Variants in MINDY2 observed in about 807,000 individuals in gnomAD.
The protein encoded by MINDY2 is ubiquitin carboxyl-terminal hydrolase MINDY-2.
A neutral mutation model predicts 68.2 loss-of-function variants in MINDY2; 52 were observed. That is an observed-to-expected ratio of 0.76 (90% CI 0.61 to 0.96). The LOEUF (loss-of-function observed/expected upper bound fraction) is 0.96, where lower values mean the gene tolerates loss of function less well. Among genes scored for constraint, MINDY2 ranks in the 40% least tolerant of loss-of-function variants. The pLI is 0.00. For missense variants in MINDY2, 881 were observed against 773.4 expected, an observed-to-expected ratio of 1.14 and a Z score of -1.65; for synonymous variants, 372 against 303.0, an observed-to-expected ratio of 1.23 and a Z score of -2.36.
At chr15:58,777,512 G>A (rs1287134107) in intron 1 of MINDY2, among the ~76,000 whole-genome samples, 7 of 152,208 alleles carry the variant, frequency 4.6e-5, no homozygotes, top group East Asian at 1.9e-4. Context: ...TGTGGCTAAC[G>A]CCTGGAATCC....
At chr15:58,799,141 G>C (rs1232740724) in intron 2 of MINDY2, among the ~76,000 whole-genome samples, 1 of 152,164 alleles carries the variant, frequency 6.6e-6, no homozygotes, top group Admixed American at 6.5e-5. Context: ...AATTCTGAAG[G>C]CTCTGCCTCA....
chr15:58,793,279 C>T (rs1348996091), intron 2 of MINDY2, among the ~76,000 whole-genome samples: 2 of 151,768 alleles, frequency 1.3e-5, no homozygotes, highest in African/African-American at 4.8e-5. Context: ...GGCAAAACCC[C>T]GTCTCTACTA....
chr15:58,848,188 G>T (rs1475080639), intron 7 of MINDY2, among the ~76,000 whole-genome samples: 1 of 151,626 alleles, frequency 6.6e-6, no homozygotes, highest in East Asian at 1.9e-4. Context: ...ATTCTTCCCT[G>T]ACTGAGGCAA....
chr15:58,818,890 C>G (rs1178424930), intron 4 of MINDY2, among the ~76,000 whole-genome samples: 1 of 152,026 alleles, frequency 6.6e-6, no homozygotes, highest in Non-Finnish European at 1.5e-5. Context: ...ATCTGCCCAC[C>G]TCAGCTTCCC....
chr15:58,810,446 G>C, intron 4 of MINDY2, 58 bp downstream of exon 4: 1 of 1,388,414 alleles, frequency 7.2e-7, no homozygotes, highest in Non-Finnish European at 9.6e-7. Flanking sequence ...TATTAATTTG[G>C]CAAATTAATC....
chr15:58,846,103 A>G (rs1285457261), intron 6 of MINDY2, among the ~76,000 whole-genome samples: 3 of 152,108 alleles, frequency 2.0e-5, no homozygotes, highest in Non-Finnish European at 4.4e-5. Flanking sequence ...AAAAAAAAAA[A>G]AAAAGAAAAA....
chr15:58,779,752 T>C (rs1034479891), intron 1 of MINDY2, among the ~76,000 whole-genome samples: 1 of 152,258 alleles, frequency 6.6e-6, no homozygotes, highest in Non-Finnish European at 1.5e-5. Flanking sequence ...GTTGTAACTC[T>C]GGATTTGTAA....
chr15:58,844,124 AG>A (rs1394308464), intron 6 of MINDY2, among the ~76,000 whole-genome samples: 2 of 152,322 alleles, frequency 1.3e-5, no homozygotes, highest in East Asian at 3.9e-4. Flanking sequence ...CTGGAATATC[AG>A]TGCAAGAAAT....
chr15:58,819,398 T>C (rs779127539), intron 4 of MINDY2, among the ~76,000 whole-genome samples: 5 of 152,104 alleles, frequency 3.3e-5, no homozygotes, highest in Non-Finnish European at 7.4e-5. Context: ...CAGTGGGCTG[T>C]GATCACGCCA....
At chr15:58,827,024 C>A (rs2031438166) in intron 5 of MINDY2, among the ~76,000 whole-genome samples, 1 of 152,124 alleles carries the variant, frequency 6.6e-6, no homozygotes. Context: ...AATTTGGATT[C>A]ATCTGATTAT....
At chr15:58,835,028 A>G (rs898193608) in intron 6 of MINDY2, among the ~76,000 whole-genome samples, 3 of 152,078 alleles carry the variant, frequency 2.0e-5, no homozygotes, top group Non-Finnish European at 4.4e-5. Context: ...TTCTTACTTA[A>G]CCTGACCTCT....
chr15:58,815,692 C>CT (rs1341220188), intron 4 of MINDY2: 26 of 150,440 alleles, frequency 1.7e-4, no homozygotes, highest in East Asian at 9.8e-4. Context: ...TTTTCTTTTT[C>CT]TTTTTTTTTG....
chr15:58,839,755 A>G (rs534186255), intron 6 of MINDY2, among the ~76,000 whole-genome samples: 5 of 152,124 alleles, frequency 3.3e-5, no homozygotes, highest in African/African-American at 9.7e-5. Context: ...GCACCTGGAC[A>G]AAGTATTCTC....
chr15:58,795,028 T>C (rs1902188289), intron 2 of MINDY2, among the ~76,000 whole-genome samples: 1 of 151,472 alleles, frequency 6.6e-6, no homozygotes, highest in Non-Finnish European at 1.5e-5. Context: ...ACAAAAAAAT[T>C]AGCCGGGCGT....
At chr15:58,784,268 G>T (rs907536283) in intron 1 of MINDY2, among the ~76,000 whole-genome samples, 1 of 151,942 alleles carries the variant, frequency 6.6e-6, no homozygotes, top group Admixed American at 6.6e-5. Flanking sequence ...CAAGGCTGCA[G>T]TGTGCCATGA....
At position 58,842,929 on chromosome 15, in the gene MINDY2, A is replaced by G. The variant is rs961210618; in HGVS notation, c.1369-4368A>G. On this transcript the variant is annotated intron_variant, in intron 6 of 8. Coordinates refer to ENST00000559228, the MANE Select transcript of MINDY2 (RefSeq NM_001040450.3). ...CTTTCAACTTGACTTTCAAGTCAAC[A>G]ACTATGCTTCACTGCCTCTCTGGGT... is the stretch of plus-strand genomic sequence containing the variant. Among the ~76,000 whole-genome samples, 4 of 152,284 alleles carry G rather than the reference A, an allele frequency of 2.6e-5. No individual in the cohort carries two copies. In the East Asian group the frequency reaches 7.7e-4, roughly 29 times the overall value.
At chr15:58,801,753 C>T (rs1902676116) in intron 2 of MINDY2, among the ~76,000 whole-genome samples, 1 of 152,166 alleles carries the variant, frequency 6.6e-6, no homozygotes, top group Non-Finnish European at 1.5e-5. Context: ...GATTCTTCTG[C>T]CTCAGCCTCC....
chr15:58,771,915 G>A lies in MINDY2; in HGVS notation c.520G>A (p.Asp174Asn). 6.4e-7 allele frequency: 1 copy of A among 1,557,294 alleles called. No homozygotes were observed. The highest frequency in any genetic ancestry group is 8.7e-7 in the Non-Finnish European group (1 of 1,153,430). Residue 174 changes from aspartate (D) to asparagine (N), a missense_variant, in exon 1 of 9, where the codon GAC (aspartate) becomes AAC (asparagine). Physicochemically the swap from Asp to Asn is conservative, Grantham distance 23 (BLOSUM62 1). Transcript: ENST00000559228. ...PSPPGESPSL[D>N]SLESFSNLHS... ...CCCTCCTGGGGAATCTCCGAGCCTG[G>A]ACTCTCTGGAGTCGTTCTCTAACCT... is the stretch of plus-strand genomic sequence containing the variant.
chr15:58,808,597 T>G (rs1209708526), intron 3 of MINDY2, among the ~76,000 whole-genome samples: 1 of 152,112 alleles, frequency 6.6e-6, no homozygotes, highest in Non-Finnish European at 1.5e-5. Flanking sequence ...AATATATGGT[T>G]TTTTTGTTTT....
Sources: gnomAD v4.1 joint callset for allele counts (sites outside exome capture counted in the v4.1 genomes callset) on GRCh38, gnomAD v4.1.1 for gene constraint, MANE v1.5 for transcripts, NCBI Gene and HGNC (gene_info 2026-07-23, HGNC 2026-07-21) for gene names.